The following ITPK1 variants were observed in gnomAD, a reference collection of about 807,000 sequenced individuals.
The protein encoded by ITPK1 is inositol 1,3,4-trisphosphate 5/6-kinase.
ITPK1 carries 21 observed loss-of-function variants against 45.3 expected under a neutral mutation model. The ratio of observed to expected loss-of-function variants is 0.46; its 90% CI spans 0.33 to 0.67. The LOEUF (loss-of-function observed/expected upper bound fraction) is 0.67, where lower values mean the gene tolerates loss of function less well. ITPK1 is among the 30% of genes least tolerant of loss of function. The pLI is 0.02. For synonymous variants in ITPK1, 258 were observed against 253.6 expected (o/e 1.02, Z -0.16); for missense variants, 474 against 573.5 (o/e 0.83, Z 1.77).
chr14:93,096,659 G>A (rs960330088), intron 2 of ITPK1, among the ~76,000 whole-genome samples: 9 of 152,240 alleles, frequency 5.9e-5, no homozygotes, highest in Admixed American at 4.6e-4. Context: ...GCAGGAGCTA[G>A]TCCTGGCTGC....
chr14:93,075,641 T>C (rs956477038), intron 3 of ITPK1, among the ~76,000 whole-genome samples: 3 of 152,082 alleles, frequency 2.0e-5, no homozygotes, highest in African/African-American at 7.2e-5. Context: ...GGGACGCTGC[T>C]CTCCTATGAC....
chr14:93,115,643 A>C (rs1892920627), intron 1 of ITPK1, 129 bp downstream of exon 1: 1 of 146,144 alleles, frequency 6.8e-6, no homozygotes, highest in Admixed American at 6.7e-5. Flanking sequence ...GCGGCCTCCG[A>C]GCCCTTCCTC....
chr14:93,115,565 C>A (rs1273180062), intron 1 of ITPK1, among the ~76,000 whole-genome samples: 1 of 149,592 alleles, frequency 6.7e-6, no homozygotes, highest in African/African-American at 2.4e-5. Context: ...CCGCAGACAC[C>A]GCCCCCGCCC....
At chr14:92,995,439 A>C (rs1427057940) in intron 4 of ITPK1, among the ~76,000 whole-genome samples, 1 of 152,230 alleles carries the variant, frequency 6.6e-6, no homozygotes, top group Non-Finnish European at 1.5e-5. Flanking sequence ...TTGTTAAGCC[A>C]AAAGCCACTT....
intron 1 of ITPK1, among the ~76,000 whole-genome samples, 153 bp from the exon 2 acceptor site, chr14:93,115,458 C>A (rs1339931045): frequency 1.3e-5 from 2 of 148,726 alleles, no homozygotes; most frequent in Non-Finnish European, 3.0e-5. Context: ...CTCGCGAGCG[C>A]CGCGCCGCCC....
Position 92,940,298 on chromosome 14 carries a change from C to T in ITPK1, c.*1263G>A. On this transcript the variant is annotated 3_prime_UTR_variant, in exon 11 of 11. Coordinates refer to ENST00000267615, the MANE Select transcript of ITPK1 (RefSeq NM_014216.6). ...CATACTTGTGGGGGCTGATGCCTCT[C>T]ACCCAGCACCCCACATCTTCCAGGA... 14 of 989,804 alleles carry T rather than the reference C, an allele frequency of 1.4e-5. No homozygotes were observed. Among genetic ancestry groups the T allele is most frequent in the Non-Finnish European group, 1.7e-5 (14 of 832,588 alleles). 61.3% of individuals were successfully genotyped at this position (989,804 alleles called of 1,614,324 possible).
rs1015435190 is a variant in ITPK1 at position 92,940,899 on chromosome 14, G to C, written c.*662C>G. ...GGCTAAATGGGACGTGTGTTGGGGG[G>C]CCCAGAGGACGCCCAGCTTCCTTTC... On this transcript the variant is annotated 3_prime_UTR_variant, in exon 11 of 11. Transcript: ENST00000267615. 6 of 1,288,360 alleles carry C rather than the reference G, an allele frequency of 4.7e-6. No individual in the cohort carries two copies. The Admixed American group carries it at 1.4e-4, about 30-fold the overall frequency. The allele number at this position is 1,288,360 out of a possible 1,614,324, so 79.8% of individuals were successfully genotyped here.
intron 9 of ITPK1, among the ~76,000 whole-genome samples, chr14:92,948,339 G>A (rs535366969): frequency 5.9e-5 from 9 of 152,300 alleles, no homozygotes; most frequent in African/African-American, 2.2e-4. Context: ...TTAATCTTAT[G>A]TATGTGAATT....
Position 92,997,142 on chromosome 14 carries a change from C to T in ITPK1, c.247-3145G>A, listed in dbSNP as rs372316278. On this transcript the variant is annotated intron_variant, in intron 4 of 10. Coordinates refer to ENST00000267615, the MANE Select transcript of ITPK1 (RefSeq NM_014216.6). ...TTCCTTCCAAAAGGGGGCCAACAGC[C>T]GAGCACGTGGATGGGATGACCCAAT... 5.3e-5 allele frequency among the ~76,000 whole-genome samples: 8 copies of T among 152,192 alleles called. No homozygotes were observed. The South Asian group carries it at 8.3e-4, about 16-fold the overall frequency.
chr14:93,005,606 A>G lies in ITPK1; in HGVS notation c.246+11070T>C, dbSNP rs529314167. Among the ~76,000 whole-genome samples the G allele has an allele frequency of 3.4e-3, 517 of 152,316 alleles. 3 individuals carry two copies. Among genetic ancestry groups the G allele is most frequent in the Admixed American group, 6.5e-3 (100 of 15,300 alleles). On this transcript the variant is annotated intron_variant, in intron 4 of 10. Transcript: ENST00000267615. The stretch of plus-strand genomic sequence containing the variant: ...GTAAACTGATTAGAGACGCTTCCTA[A>G]GGTGGTGGAAAGGGACCAGTCCTTG...
Position 93,032,192 on chromosome 14 carries a change from G to C in ITPK1, c.121-15391C>G, listed in dbSNP as rs1889096351. Among the ~76,000 whole-genome samples the C allele has an allele frequency of 6.6e-6, 1 of 152,112 alleles. No homozygotes were observed. The highest frequency in any genetic ancestry group is 2.4e-5 in the African/African-American group (1 of 41,418). The stretch of plus-strand genomic sequence containing the variant: ...CAGTGAAACCCCATCTCTACTAAAA[G>C]TGCAAAAATTAGCTGGGCATGGTGG... On this transcript the variant is annotated intron_variant, in intron 3 of 10. Coordinates refer to ENST00000267615, the MANE Select transcript of ITPK1 (RefSeq NM_014216.6). This position sits in a 1 kb window ranked among gnomAD's most constrained non-coding sequence, Gnocchi z 4.0.
chr14:93,014,843 G>T lies in ITPK1; in HGVS notation c.246+1833C>A, dbSNP rs1445758894. 6.6e-6 allele frequency among the ~76,000 whole-genome samples: 1 copy of T among 152,266 alleles called. No homozygotes were observed. Among genetic ancestry groups the T allele is most frequent in the Non-Finnish European group, 1.5e-5 (1 of 68,048 alleles). On this transcript the variant is annotated intron_variant, in intron 4 of 10. Transcript: ENST00000267615. This position sits in a 1 kb window ranked among gnomAD's most constrained non-coding sequence, Gnocchi z 4.4. ...CGCTTTCGAGCAGGGCTTGGTAAGC[G>T]GTAACTGCTCTGCAGTGCTTTCTGA...
chr14:93,082,175 G>T (rs1308516986), intron 2 of ITPK1, among the ~76,000 whole-genome samples: 1 of 152,162 alleles, frequency 6.6e-6, no homozygotes, highest in Non-Finnish European at 1.5e-5. Context: ...CTTGGGAAAA[G>T]GGTAAAGGAA....
chr14:93,081,859 C>T (rs1348001301), intron 2 of ITPK1, among the ~76,000 whole-genome samples: 2 of 152,166 alleles, frequency 1.3e-5, no homozygotes, highest in African/African-American at 4.8e-5. Context: ...TGTGGCCCAG[C>T]CTTTACCTAT....
chr14:93,097,667 T>C (rs1436811069), intron 2 of ITPK1, among the ~76,000 whole-genome samples: 1 of 152,236 alleles, frequency 6.6e-6, no homozygotes, highest in African/African-American at 2.4e-5. Flanking sequence ...GGAAGACATT[T>C]ATATTCACAA....
chr14:93,088,345 T>TTTG (rs1232280568), intron 2 of ITPK1, among the ~76,000 whole-genome samples: 2 of 147,498 alleles, frequency 1.4e-5, no homozygotes, highest in African/African-American at 5.1e-5. Context: ...TGTTTTGTTT[T>TTTG]TTTTTTTTTT....
At chr14:92,987,546 G>C (rs1231872331) in intron 5 of ITPK1, among the ~76,000 whole-genome samples, 1 of 152,206 alleles carries the variant, frequency 6.6e-6, no homozygotes, top group Non-Finnish European at 1.5e-5. Context: ...GGTCAGCCAA[G>C]GGCAGGGAGA....
chr14:93,064,662 T>C (rs925006215), intron 3 of ITPK1, among the ~76,000 whole-genome samples: 26 of 152,164 alleles, frequency 1.7e-4, no homozygotes, highest in African/African-American at 4.8e-4. Context: ...TCTAAGGCCA[T>C]TGCATAAAGC....
intron 3 of ITPK1, among the ~76,000 whole-genome samples, chr14:93,029,707 G>A (rs750622544): frequency 3.3e-5 from 5 of 152,214 alleles, no homozygotes; most frequent in Non-Finnish European, 7.4e-5. Flanking sequence ...TCACTGGCAC[G>A]GCTTCCTGGG....
Sources: gnomAD v4.1 joint callset for allele counts (sites outside exome capture counted in the v4.1 genomes callset) on GRCh38, gnomAD v4.1.1 for gene constraint, Gnocchi (gnomAD v3.1) non-coding constraint, MANE v1.5 for transcripts, NCBI Gene and HGNC (gene_info 2026-07-23, HGNC 2026-07-21) for gene names.